The following GNA14 variants were observed in gnomAD, a reference collection of about 807,000 sequenced individuals.
The protein encoded by GNA14 is guanine nucleotide-binding protein subunit alpha-14.
Under a neutral mutation model 42.0 loss-of-function variants are expected in GNA14, and 50 were observed. The observed-to-expected ratio is 1.19, with a 90% CI of 0.95 to 1.51. The LOEUF is 1.51. Ranked by LOEUF, GNA14 falls within the 40% of genes most tolerant of loss-of-function variation. GNA14 has a pLI of 0.00. For missense variants in GNA14, 473 were observed against 446.2 expected (o/e 1.06, Z -0.54); for synonymous variants, 173 against 163.1 (o/e 1.06, Z -0.46).
chr9:77,553,722 A>T (rs145968901), intron 1 of GNA14, among the ~76,000 whole-genome samples: 2 of 152,314 alleles, frequency 1.3e-5, no homozygotes, highest in African/African-American at 2.4e-5. Context: ...ATTATATGAC[A>T]GCTTGCATCA....
intron 1 of GNA14, among the ~76,000 whole-genome samples, chr9:77,566,145 C>CTTTTTTT (rs956489720): frequency 2.0e-5 from 2 of 102,512 alleles, no homozygotes; most frequent in Admixed American, 1.1e-4. Context: ...GGGAGTGCTT[C>CTTTTTTT]TTTTTTTTTT....
In GNA14 at chr9:77,477,502, A is replaced by G. The variant is rs138728137; in HGVS notation, c.310-42980T>C. Among the ~76,000 whole-genome samples the G allele has an allele frequency of 3.5e-3, 540 of 152,316 alleles. 4 individuals carry two copies. The highest frequency in any genetic ancestry group is 0.013 in the African/African-American group (530 of 41,570). Reference sequence around the variant, plus strand: ...CAAAAACAGACCTGCTCAGGAGAAAAAGCCTAACTAATAATTACAGGCATT... The same window carrying G: ...CAAAAACAGACCTGCTCAGGAGAAAGAGCCTAACTAATAATTACAGGCATT... On this transcript the variant is annotated intron_variant, in intron 2 of 6. Coordinates refer to ENST00000341700, the MANE Select transcript of GNA14 (RefSeq NM_004297.4).
chr9:77,554,591 A>G (rs185945183), intron 1 of GNA14, among the ~76,000 whole-genome samples: 2 of 152,238 alleles, frequency 1.3e-5, no homozygotes. Flanking sequence ...AAATTTAAAA[A>G]TACTATTAAT....
At chr9:77,566,237 C>T (rs1419890525) in intron 1 of GNA14, among the ~76,000 whole-genome samples, 1 of 150,166 alleles carries the variant, frequency 6.7e-6, no homozygotes, top group East Asian at 2.0e-4. Context: ...TCACTGCAAC[C>T]TCTGCCTCCC....
At chr9:77,644,460 AAAAAG>A (rs1439398671) in intron 1 of GNA14, among the ~76,000 whole-genome samples, 10 of 149,926 alleles carry the variant, frequency 6.7e-5, no homozygotes, top group African/African-American at 2.5e-4. Context: ...AAAAAAAAAA[AAAAAG>A]ACACAGGAAT....
intron 1 of GNA14, among the ~76,000 whole-genome samples, chr9:77,646,877 C>T (rs1824362119): frequency 6.6e-6 from 1 of 152,334 alleles, no homozygotes; most frequent in Admixed American, 6.5e-5. Flanking sequence ...GGATGTCCTA[C>T]CCAGACCTTT....
rs1257680839 is a variant in GNA14, at chr9:77,434,490, C to T, written c.342G>A (p.Val114=). Reference sequence around the variant, plus strand: ...CCCTGGAGAGCATGGAGACCTTGTCCACTTCCACTTCTCTGATTATCTGGG... The same window carrying T: ...CCCTGGAGAGCATGGAGACCTTGTCTACTTCCACTTCTCTGATTATCTGGG... ...ENAQIIREVE[V]DKVSMLSREQ... Residue 114 remains valine, a synonymous_variant, in exon 3 of 7, where the codon GTG becomes GTA. Coordinates refer to ENST00000341700, the MANE Select transcript of GNA14 (RefSeq NM_004297.4). 2 of 1,613,854 alleles carry T rather than the reference C, an allele frequency of 1.2e-6. No individual in the cohort carries two copies. The highest frequency in any genetic ancestry group is 1.7e-6 in the Non-Finnish European group (2 of 1,179,846).
At chr9:77,555,405 A>G (rs572061217) in intron 1 of GNA14, among the ~76,000 whole-genome samples, 17 of 152,216 alleles carry the variant, frequency 1.1e-4, no homozygotes, top group Admixed American at 6.5e-4. Context: ...TCATGAGGCT[A>G]AGGTGGGAGT....
At chr9:77,431,214 G>A (rs1835546446) in intron 4 of GNA14, 107 bp downstream of exon 4, 3 of 1,075,466 alleles carry the variant, frequency 2.8e-6, no homozygotes, top group African/African-American at 1.6e-5. Flanking sequence ...GGGTCACTCT[G>A]TCCTAAGAGA....
chr9:77,465,035 T>C (rs1270119881), intron 2 of GNA14, among the ~76,000 whole-genome samples: 1 of 152,302 alleles, frequency 6.6e-6, no homozygotes, highest in East Asian at 1.9e-4. Context: ...GCCTCTCCTA[T>C]AGGCTTTGGA....
At chr9:77,454,136 G>A (rs150203293) in intron 2 of GNA14, among the ~76,000 whole-genome samples, 1 of 152,272 alleles carries the variant, frequency 6.6e-6, no homozygotes, top group East Asian at 1.9e-4. Flanking sequence ...CACTACCTGC[G>A]TAGTTCCACC....
intron 1 of GNA14, among the ~76,000 whole-genome samples, chr9:77,530,352 C>T (rs1013791181): frequency 2.6e-5 from 4 of 152,146 alleles, no homozygotes; most frequent in African/African-American, 9.7e-5. Context: ...GTTCCTGCTC[C>T]CCCTTTACCT....
At chr9:77,513,747 T>A (rs570939042) in intron 2 of GNA14, among the ~76,000 whole-genome samples, 2 of 152,346 alleles carry the variant, frequency 1.3e-5, no homozygotes, top group South Asian at 4.1e-4. Flanking sequence ...TATAGCTAAG[T>A]CCACCACATT....
chr9:77,511,343 TCCTAAA>T (rs546922729), intron 2 of GNA14, among the ~76,000 whole-genome samples: 1 of 152,136 alleles, frequency 6.6e-6, no homozygotes, highest in African/African-American at 2.4e-5. Context: ...GTCAAAGGGT[TCCTAAA>T]CCTGCATAGA....
chr9:77,480,087 A>G (rs377282258), intron 2 of GNA14, among the ~76,000 whole-genome samples: 5 of 151,968 alleles, frequency 3.3e-5, no homozygotes, highest in South Asian at 2.1e-4. Context: ...CCAACACTAT[A>G]TTGAATAGGA....
intron 1 of GNA14, among the ~76,000 whole-genome samples, chr9:77,567,334 C>T (rs1227292000): frequency 6.6e-6 from 1 of 152,154 alleles, no homozygotes; most frequent in Non-Finnish European, 1.5e-5. Context: ...AGATACTCTA[C>T]AGCCATAACC....
intron 1 of GNA14, among the ~76,000 whole-genome samples, chr9:77,606,835 G>C (rs1823651689): frequency 6.6e-6 from 1 of 152,186 alleles, no homozygotes; most frequent in Non-Finnish European, 1.5e-5. Context: ...AGATGGTGAG[G>C]CCTTTGGGAG....
Position 77,425,604 on chromosome 9 carries a change from T to G in GNA14, c.835A>C (p.Ile279Leu). 1.2e-6 allele frequency: 2 copies of G among 1,609,796 alleles called. No individual in the cohort carries two copies. The highest frequency in any genetic ancestry group is 1.7e-5 in the Admixed American group (1 of 59,912). The change falls in exon 6 of 7, where the codon ATC becomes CTC. Residue 279 changes from isoleucine (I) to leucine (L), a missense_variant. Coordinates refer to ENST00000341700, the MANE Select transcript of GNA14 (RefSeq NM_004297.4). Reference protein sequence around the residue: ...LNKKDLLEEKIMYSHLISYFP... With the variant: ...LNKKDLLEEKLMYSHLISYFP... Reference sequence around the variant, plus strand: ...TAGCTAATTAGATGAGAGTACATGATTTTCTCTTCCAAAAGATCCTTCTTG... The same window carrying G: ...TAGCTAATTAGATGAGAGTACATGAGTTTCTCTTCCAAAAGATCCTTCTTG...
At chr9:77,486,161 T>A (rs1011934036) in intron 2 of GNA14, among the ~76,000 whole-genome samples, 1 of 152,236 alleles carries the variant, frequency 6.6e-6, no homozygotes, top group African/African-American at 2.4e-5. Flanking sequence ...TCATCTTAGC[T>A]AGATATTTTG....
Sources: gnomAD v4.1 joint callset for allele counts (sites outside exome capture counted in the v4.1 genomes callset) on GRCh38, gnomAD v4.1.1 for gene constraint, MANE v1.5 for transcripts, NCBI Gene and HGNC (gene_info 2026-07-23, HGNC 2026-07-21) for gene names.